The following CAMK2D variants were observed in gnomAD, a reference collection of about 807,000 sequenced individuals.
CAMK2D encodes calcium/calmodulin-dependent protein kinase type II subunit delta.
Under a neutral mutation model 84.0 loss-of-function variants are expected in CAMK2D, and 37 were observed. The ratio of observed to expected loss-of-function variants is 0.44; its 90% CI spans 0.34 to 0.58. The LOEUF is 0.58. CAMK2D is among the 20% of genes least tolerant of loss of function. The pLI, the probability that CAMK2D is intolerant of heterozygous loss-of-function variation, is 0.02. For missense variants in CAMK2D, 448 were observed against 652.5 expected (o/e 0.69, Z 3.41); for synonymous variants, 202 against 212.5 (o/e 0.95, Z 0.43).
chr4:113,464,874 A>AT (rs992783174), intron 17 of CAMK2D, among the ~76,000 whole-genome samples: 31 of 152,092 alleles, frequency 2.0e-4, no homozygotes, highest in African/African-American at 7.5e-4. Flanking sequence ...GTACTTTCAT[A>AT]TTTTTTTGTG....
chr4:113,579,361 T>A (rs1328255540), intron 4 of CAMK2D, among the ~76,000 whole-genome samples: 2 of 152,200 alleles, frequency 1.3e-5, no homozygotes, highest in Non-Finnish European at 2.9e-5. Flanking sequence ...GTGATATGGT[T>A]TGGATATTTG....
chr4:113,522,543 ACTAT>A (rs1417404790), intron 8 of CAMK2D, among the ~76,000 whole-genome samples: 1 of 152,160 alleles, frequency 6.6e-6, no homozygotes, highest in Non-Finnish European at 1.5e-5. Context: ...GAGGATGGAA[ACTAT>A]CTATGCCATG....
intron 16 of CAMK2D, among the ~76,000 whole-genome samples, chr4:113,469,585 T>G (rs1289387080): frequency 6.6e-6 from 1 of 152,206 alleles, no homozygotes; most frequent in African/African-American, 2.4e-5. Flanking sequence ...TTAACCTCCT[T>G]TCTAGACTCT....
intron 2 of CAMK2D, among the ~76,000 whole-genome samples, chr4:113,672,473 A>C (rs1187646195): frequency 6.6e-6 from 1 of 152,180 alleles, no homozygotes; most frequent in African/African-American, 2.4e-5. Context: ...TTAAGCAAAC[A>C]CAAGGGAACT....
intron 8 of CAMK2D, among the ~76,000 whole-genome samples, chr4:113,523,062 G>T (rs1304715609): frequency 6.6e-6 from 1 of 152,162 alleles, no homozygotes; most frequent in East Asian, 1.9e-4. Context: ...ACAACAAAAA[G>T]TTGGCAGTCT....
At chr4:113,579,536 T>C (rs2098798653) in intron 4 of CAMK2D, among the ~76,000 whole-genome samples, 1 of 152,058 alleles carries the variant, frequency 6.6e-6, no homozygotes, top group Non-Finnish European at 1.5e-5. Context: ...GTTCATAAAA[T>C]AGCTGATTGT....
At chr4:113,696,097 C>T (rs1387597973) in intron 2 of CAMK2D, among the ~76,000 whole-genome samples, 2 of 151,898 alleles carry the variant, frequency 1.3e-5, no homozygotes, top group Non-Finnish European at 2.9e-5. Flanking sequence ...TCATTCAAAA[C>T]TTGTCTCAAA....
intron 2 of CAMK2D, chr4:113,677,604 A>G: frequency 1.1e-6 from 1 of 923,372 alleles, no homozygotes. Context: ...GCGATGCAAT[A>G]CCATCTAAAT....
At chr4:113,525,783 CTT>C (rs934970079) in intron 8 of CAMK2D, among the ~76,000 whole-genome samples, 5 of 152,118 alleles carry the variant, frequency 3.3e-5, no homozygotes, top group Non-Finnish European at 7.4e-5. Flanking sequence ...TTTTGCATTT[CTT>C]TTGTTTTCTG....
intron 4 of CAMK2D, among the ~76,000 whole-genome samples, chr4:113,573,639 A>G (rs1489856567): frequency 6.6e-6 from 1 of 152,270 alleles, no homozygotes; most frequent in African/African-American, 2.4e-5. Context: ...AGAAGCCTCC[A>G]GATAACAAAT....
chr4:113,494,046 A>G lies in CAMK2D; in HGVS notation c.1135+6417T>C, dbSNP rs1468051192. Among the ~76,000 whole-genome samples the G allele has an allele frequency of 5.3e-5, 8 of 152,206 alleles. No homozygotes were observed. The East Asian group carries it at 1.5e-3, about 29-fold the overall frequency. The stretch of plus-strand genomic sequence containing the variant: ...GGTTATTCTAGTTATACCTTCTTCT[A>G]AATTTTTTTCAAAGTTTTCAACTTC... On this transcript the variant is annotated intron_variant, in intron 16 of 20. Coordinates refer to ENST00000511664, the MANE Select transcript of CAMK2D (RefSeq NM_001321571.2).
At chr4:113,701,098 C>T (rs1391608299) in intron 2 of CAMK2D, among the ~76,000 whole-genome samples, 1 of 152,116 alleles carries the variant, frequency 6.6e-6, no homozygotes, top group African/African-American at 2.4e-5. Flanking sequence ...CCTATAATCC[C>T]ATTTGTCTTT....
rs138500160 is a variant in CAMK2D, at chr4:113,481,291, C to G, written c.1136-15687G>C. Among the ~76,000 whole-genome samples the G allele has an allele frequency of 3.4e-3, 520 of 152,242 alleles. 2 individuals carry two copies. The highest frequency in any genetic ancestry group is 0.012 in the African/African-American group (485 of 41,532). ...ATTTATTATTCCCACTATTGCCCAA[C>G]ACTATTCTAGATACTATGAATATGG... On this transcript the variant is annotated intron_variant, in intron 16 of 20. Coordinates refer to ENST00000511664, the MANE Select transcript of CAMK2D (RefSeq NM_001321571.2).
At chr4:113,458,150 C>T (rs1306948149) in intron 18 of CAMK2D, among the ~76,000 whole-genome samples, 1 of 152,182 alleles carries the variant, frequency 6.6e-6, no homozygotes, top group African/African-American at 2.4e-5. Context: ...GAGTCCATTC[C>T]ATGATAGTCC....
intron 3 of CAMK2D, among the ~76,000 whole-genome samples, chr4:113,623,738 C>CTGTGTGTG (rs3064581): frequency 3.4e-5 from 5 of 148,956 alleles, no homozygotes; most frequent in African/African-American, 1.2e-4. Flanking sequence ...TATGCAGTGA[C>CTGTGTGTG]TGTGTGTGTG....
chr4:113,533,163 T>C (rs76082677), intron 7 of CAMK2D, among the ~76,000 whole-genome samples: 4,648 of 152,108 alleles, frequency 0.031, 248 homozygotes, highest in African/African-American at 0.1. Context: ...AAATATAAAT[T>C]ATTACAAACC....
chr4:113,502,868 T>G (rs939342488), intron 15 of CAMK2D, 68 bp downstream of exon 15: 6 of 1,097,192 alleles, frequency 5.5e-6, no homozygotes, highest in Non-Finnish European at 8.4e-6. Flanking sequence ...AACGAATTAA[T>G]TTTTTTGAAT....
intron 3 of CAMK2D, among the ~76,000 whole-genome samples, chr4:113,629,062 G>A (rs1159558690): frequency 1.3e-5 from 2 of 151,900 alleles, no homozygotes; most frequent in Non-Finnish European, 2.9e-5. Context: ...TAACTCAGCA[G>A]TGCACTGGAA....
chr4:113,727,648 A>G (rs2099550257), intron 2 of CAMK2D, among the ~76,000 whole-genome samples: 1 of 152,204 alleles, frequency 6.6e-6, no homozygotes, highest in Admixed American at 6.5e-5. Flanking sequence ...AGTAACTATG[A>G]AAGACAAAAC....
Sources: allele counts gnomAD v4.1 joint callset (sites outside exome capture counted in the v4.1 genomes callset), GRCh38; gene constraint gnomAD v4.1.1; transcripts MANE v1.5; gene names NCBI Gene and HGNC (gene_info 2026-07-23, HGNC 2026-07-21).